POLH: variants seen among roughly 807,000 people sequenced by gnomAD.
POLH encodes DNA polymerase eta, also known as DNA polymerase eta transcript.
In POLH, 53 loss-of-function variants were observed where a neutral mutation model predicts 73.6. That is an observed-to-expected ratio of 0.72 (90% CI 0.58 to 0.91). The LOEUF (loss-of-function observed/expected upper bound fraction) is 0.91. POLH is among the 40% of genes least tolerant of loss of function. The pLI is 0.00. For missense variants in POLH, 768 were observed against 865.4 expected, an observed-to-expected ratio of 0.89 and a Z score of 1.41; for synonymous variants, 292 against 308.5, an observed-to-expected ratio of 0.95 and a Z score of 0.56.
chr6:43,601,323 T>C (rs1357612135), intron 6 of POLH, among the ~76,000 whole-genome samples: 1 of 152,144 alleles, frequency 6.6e-6, no homozygotes, highest in Non-Finnish European at 1.5e-5. Context: ...TAGAGTGCAA[T>C]GGCACGGTGT....
At chr6:43,578,645 T>C (rs1229216863) in intron 1 of POLH, among the ~76,000 whole-genome samples, 1 of 152,202 alleles carries the variant, frequency 6.6e-6, no homozygotes, top group African/African-American at 2.4e-5. Context: ...ATTTTGGTAA[T>C]TGTGTTAAGT....
At chr6:43,581,223 G>A (rs866250600) in intron 1 of POLH, among the ~76,000 whole-genome samples, 4,639 of 150,140 alleles carry the variant, frequency 0.031, 171 homozygotes, top group African/African-American at 0.11. Context: ...ACGGGGTCTC[G>A]GCAGGGCAGA....
intron 10 of POLH, among the ~76,000 whole-genome samples, chr6:43,612,235 A>G (rs1767963811): frequency 6.6e-6 from 1 of 152,240 alleles, no homozygotes; most frequent in African/African-American, 2.4e-5. Context: ...TTGACAAACT[A>G]TAACAAATAC....
intron 1 of POLH, among the ~76,000 whole-genome samples, chr6:43,579,278 G>A (rs1561894189): frequency 1.3e-5 from 2 of 152,164 alleles, no homozygotes; most frequent in East Asian, 1.9e-4. Flanking sequence ...CCATACCCTG[G>A]AGAAAGGAAT....
rs1768424357 is a variant in POLH, at chr6:43,617,492, T to G, written c.*2935T>G. Among the ~76,000 whole-genome samples, 1 of 151,732 alleles carries G rather than the reference T, an allele frequency of 6.6e-6. No homozygotes were observed. Among genetic ancestry groups the G allele is most frequent in the African/African-American group, 2.4e-5 (1 of 41,252 alleles). On this transcript the variant is annotated 3_prime_UTR_variant, in exon 11 of 11. Transcript: ENST00000372236. Reference sequence around the variant, plus strand: ...AATAACAAAAATTAGGTGTGTGTGGTGACGCATGCGTGTAATCCCAGCTAC... The same window carrying G: ...AATAACAAAAATTAGGTGTGTGTGGGGACGCATGCGTGTAATCCCAGCTAC...
At chr6:43,586,337 C>T (rs558328933) in intron 3 of POLH, among the ~76,000 whole-genome samples, 2 of 152,092 alleles carry the variant, frequency 1.3e-5, no homozygotes, top group African/African-American at 4.8e-5. Flanking sequence ...AAAAATTCAC[C>T]AGGCGTGGTG....
intron 1 of POLH, among the ~76,000 whole-genome samples, chr6:43,577,442 G>T (rs554501790): frequency 6.6e-6 from 1 of 152,204 alleles, no homozygotes; most frequent in Non-Finnish European, 1.5e-5. Context: ...CCACTTCAAA[G>T]TAGAGGGACT....
intron 5 of POLH, 54 bp from the exon 6 acceptor site, chr6:43,600,934 A>C: frequency 9.1e-7 from 1 of 1,097,764 alleles, no homozygotes; most frequent in Admixed American, 1.7e-5. Flanking sequence ...GTTTATATTC[A>C]CCAACTTTGA....
chr6:43,607,075 G>A (rs1767383277), intron 9 of POLH, among the ~76,000 whole-genome samples: 1 of 152,102 alleles, frequency 6.6e-6, no homozygotes, highest in South Asian at 2.1e-4. Context: ...GCATGTATTA[G>A]TACTTAGTCA....
intron 4 of POLH, among the ~76,000 whole-genome samples, chr6:43,594,109 G>A (rs564612260): frequency 2.2e-4 from 33 of 152,034 alleles, no homozygotes; most frequent in African/African-American, 7.5e-4. Context: ...ACAGATAAAG[G>A]ATTAAATTTA....
chr6:43,588,945 C>T (rs1765140497), intron 4 of POLH, among the ~76,000 whole-genome samples: 1 of 152,076 alleles, frequency 6.6e-6, no homozygotes, highest in Admixed American at 6.6e-5. Context: ...TCACGCCATT[C>T]TCCTGCCTCA....
Position 43,583,146 on chromosome 6 carries a change from GA to G in POLH, c.272+12del. On this transcript the variant is annotated splice_donor_region_variant and intron_variant, in intron 3 of 10. Transcript: ENST00000372236. ...TGGGAAAGCTAACCTCACCAAGTAA[GA>G]AAAAAACATTATTTAAGGAGACATA... is the stretch of plus-strand genomic sequence containing the variant. The G allele has an allele frequency of 6.2e-7, 1 of 1,613,078 alleles. No homozygotes were observed. The highest frequency in any genetic ancestry group is 1.1e-5 in the South Asian group (1 of 90,998).
At chr6:43,588,828 A>G (rs1392730433) in intron 4 of POLH, 1 of 149,790 alleles carries the variant, frequency 6.7e-6, no homozygotes, top group Non-Finnish European at 1.5e-5. Flanking sequence ...GCTATTATAG[A>G]TCTCATTCTT....
chr6:43,581,944 A>G (rs780895950), intron 1 of POLH, among the ~76,000 whole-genome samples: 70 of 151,750 alleles, frequency 4.6e-4, no homozygotes, highest in Admixed American at 5.9e-4. Context: ...TGTTTTTTCC[A>G]CTCAGGGTAT....
chr6:43,580,624 C>T (rs1763976119), intron 1 of POLH, among the ~76,000 whole-genome samples: 6 of 121,452 alleles, frequency 4.9e-5, no homozygotes, highest in Admixed American at 7.7e-5. Flanking sequence ...CGGGCAGAGG[C>T]GCCCCTCACC....
In POLH at chr6:43,614,553, A is replaced by G. The variant is rs958873640; in HGVS notation, c.2138A>G (p.His713Arg). ...TLESFFKPLT[H>R] ...GAATCATTTTTTAAGCCATTAACAC[A>G]TTAGTGCTGCCCTCAGGCTTGCCTG... The change falls in exon 11 of 11, where the codon CAT becomes CGT. Residue 713 changes from histidine (H) to arginine (R), a missense_variant. Coordinates refer to ENST00000372236, the MANE Select transcript of POLH (RefSeq NM_006502.3). 3.7e-6 allele frequency: 6 copies of G among 1,612,880 alleles called. No homozygotes were observed. Among genetic ancestry groups the G allele is most frequent in the African/African-American group, 2.7e-5 (2 of 74,904 alleles).
intron 4 of POLH, among the ~76,000 whole-genome samples, chr6:43,594,036 G>A (rs1765773574): frequency 6.6e-6 from 1 of 152,066 alleles, no homozygotes; most frequent in Non-Finnish European, 1.5e-5. Context: ...TAGAGAAAAG[G>A]TAAAAAGCAT....
Position 43,593,582 on chromosome 6 carries a change from T to G in POLH, c.491-4114T>G, listed in dbSNP as rs200049187. The stretch of plus-strand genomic sequence containing the variant: ...ATTTCCACAAAGGTGCCAAGATAAT[T>G]CAACAAGAAAAACTCTTGGCTGGGC... On this transcript the variant is annotated intron_variant, in intron 4 of 10. Coordinates refer to ENST00000372236, the MANE Select transcript of POLH (RefSeq NM_006502.3). Among the ~76,000 whole-genome samples, 9 of 152,196 alleles carry G rather than the reference T, an allele frequency of 5.9e-5. No individual in the cohort carries two copies. In the East Asian group the frequency reaches 1.7e-3, roughly 29 times the overall value.
intron 9 of POLH, among the ~76,000 whole-genome samples, chr6:43,605,924 A>G (rs1403803100): frequency 6.6e-6 from 1 of 151,916 alleles, no homozygotes; most frequent in Non-Finnish European, 1.5e-5. Flanking sequence ...GGGTTCTACC[A>G]TATTGGCCAG....
Sources: allele counts gnomAD v4.1 joint callset (sites outside exome capture counted in the v4.1 genomes callset), GRCh38; gene constraint gnomAD v4.1.1; transcripts MANE v1.5; gene names NCBI Gene and HGNC (gene_info 2026-07-23, HGNC 2026-07-21).